The following NCAM2 variants were observed in gnomAD, a reference collection of about 807,000 sequenced individuals.
The protein encoded by NCAM2 is neural cell adhesion molecule 2, also known as N-CAM-2.
In NCAM2, 30 loss-of-function variants were observed where a neutral mutation model predicts 98.1. The ratio of observed to expected loss-of-function variants is 0.31; its 90% CI spans 0.23 to 0.41. The LOEUF (loss-of-function observed/expected upper bound fraction) is 0.41. Among genes scored for constraint, NCAM2 ranks in the 10% least tolerant of loss-of-function variants. NCAM2 has a pLI of 1.00. For missense variants in NCAM2, 867 were observed against 1,005.8 expected, an observed-to-expected ratio of 0.86 and a Z score of 1.87; for synonymous variants, 368 against 342.4, an observed-to-expected ratio of 1.07 and a Z score of -0.83.
chr21:21,198,957 A>G (rs547615166), intron 1 of NCAM2, among the ~76,000 whole-genome samples: 6 of 152,260 alleles, frequency 3.9e-5, no homozygotes, highest in Admixed American at 3.3e-4. Context: ...CTCAGTTAAG[A>G]GCTCCTGTAT....
intron 16 of NCAM2, among the ~76,000 whole-genome samples, chr21:21,513,596 A>G (rs1602535467): frequency 6.6e-6 from 1 of 152,074 alleles, no homozygotes; most frequent in African/African-American, 2.4e-5. Flanking sequence ...TTTTTCAAGA[A>G]TTGTTTTGTG....
Position 21,382,787 on chromosome 21 carries a change from C to T in NCAM2, c.1195+8774C>T, listed in dbSNP as rs563832236. 9.2e-5 allele frequency among the ~76,000 whole-genome samples: 14 copies of T among 152,016 alleles called. No individual in the cohort carries two copies. In the South Asian group the frequency reaches 1.7e-3, roughly 18 times the overall value. On this transcript the variant is annotated intron_variant, in intron 9 of 17. Transcript: ENST00000400546. The stretch of plus-strand genomic sequence containing the variant: ...CCTCGTGATCTGTCTGTCTCGGCCT[C>T]CCAAAGAGCTAGGATTACAGGCGGG...
At chr21:21,433,030 A>C (rs749210604) in intron 12 of NCAM2, among the ~76,000 whole-genome samples, 1 of 152,220 alleles carries the variant, frequency 6.6e-6, no homozygotes, top group Non-Finnish European at 1.5e-5. Context: ...GTAGGGGTTC[A>C]GTAAAAAGCA....
intron 1 of NCAM2, among the ~76,000 whole-genome samples, chr21:21,003,875 C>T (rs965644188): frequency 2.0e-5 from 3 of 152,068 alleles, no homozygotes; most frequent in Admixed American, 6.6e-5. Context: ...CTCCAGGGGG[C>T]GTCACTTATT....
chr21:21,056,520 G>GTGTGTT (rs1162706174), intron 1 of NCAM2, among the ~76,000 whole-genome samples: 7 of 149,474 alleles, frequency 4.7e-5, no homozygotes, highest in Non-Finnish European at 1.0e-4. Flanking sequence ...GTGTGTGTGT[G>GTGTGTT]TGTGCATGAG....
chr21:21,158,656 C>T (rs2067687084), intron 1 of NCAM2, among the ~76,000 whole-genome samples: 1 of 151,684 alleles, frequency 6.6e-6, no homozygotes, highest in Non-Finnish European at 1.5e-5. Flanking sequence ...ATTTATATCA[C>T]TTAGTGACAA....
At position 21,087,699 on chromosome 21, in the gene NCAM2, G is replaced by A. The variant is rs139985770; in HGVS notation, c.55+89081G>A. ...TCACAGACAGGAATGGGCATGCAAG[G>A]AGAGAGGAAATGGTGGCTTATTGCA... On this transcript the variant is annotated intron_variant, in intron 1 of 17. Coordinates refer to ENST00000400546, the MANE Select transcript of NCAM2 (RefSeq NM_004540.5). Among the ~76,000 whole-genome samples, 9 of 152,284 alleles carry A rather than the reference G, an allele frequency of 5.9e-5. No individual in the cohort carries two copies. In the East Asian group the frequency reaches 1.7e-3, roughly 29 times the overall value.
chr21:21,451,003 G>T (rs974412461), intron 12 of NCAM2, among the ~76,000 whole-genome samples: 1 of 151,950 alleles, frequency 6.6e-6, no homozygotes, highest in Non-Finnish European at 1.5e-5. Flanking sequence ...GTTTATATGA[G>T]AATTCATGAG....
intron 1 of NCAM2, among the ~76,000 whole-genome samples, chr21:21,247,489 T>C (rs976919589): frequency 1.3e-5 from 2 of 152,184 alleles, no homozygotes; most frequent in African/African-American, 2.4e-5. Context: ...ATGCTTTGGG[T>C]GAATGAAAAT....
At chr21:21,439,766 A>G (rs1489669253) in intron 12 of NCAM2, among the ~76,000 whole-genome samples, 1 of 152,250 alleles carries the variant, frequency 6.6e-6, no homozygotes, top group African/African-American at 2.4e-5. Context: ...TCTTTAAATG[A>G]TATGTGTTGA....
chr21:21,052,255 C>T (rs536750741), intron 1 of NCAM2, among the ~76,000 whole-genome samples: 1 of 149,560 alleles, frequency 6.7e-6, no homozygotes, highest in Non-Finnish European at 1.5e-5. Context: ...GCTCCGCCTC[C>T]CGGGTTCACA....
At chr21:21,429,526 T>C (rs1379939089) in intron 11 of NCAM2, among the ~76,000 whole-genome samples, 1 of 152,158 alleles carries the variant, frequency 6.6e-6, no homozygotes, top group African/African-American at 2.4e-5. Flanking sequence ...GATTGAAGAA[T>C]TGGCATTTTT....
chr21:21,296,693 A>T (rs2073493127), intron 5 of NCAM2, among the ~76,000 whole-genome samples: 1 of 151,738 alleles, frequency 6.6e-6, no homozygotes, highest in South Asian at 2.1e-4. Context: ...GTGAGAGATA[A>T]TTGGGGCCTT....
chr21:21,491,454 G>C (rs1986838005), intron 15 of NCAM2, among the ~76,000 whole-genome samples: 1 of 151,716 alleles, frequency 6.6e-6, no homozygotes. Context: ...TGCAGAAATT[G>C]ATTAACATTC....
At chr21:21,273,179 C>G (rs1195159929) in intron 1 of NCAM2, among the ~76,000 whole-genome samples, 1 of 152,082 alleles carries the variant, frequency 6.6e-6, no homozygotes, top group African/African-American at 2.4e-5. Flanking sequence ...TTTGCCTCAG[C>G]CTTCTCATCT....
At chr21:21,166,859 T>A (rs1366223739) in intron 1 of NCAM2, among the ~76,000 whole-genome samples, 1 of 152,204 alleles carries the variant, frequency 6.6e-6, no homozygotes, top group African/African-American at 2.4e-5. Context: ...TCTTTCAACA[T>A]ATTGCATCTC....
chr21:21,106,314 C>CAAAAGAAAAAAAAAAAAAAA (rs2066345436), intron 1 of NCAM2, among the ~76,000 whole-genome samples: 1 of 103,490 alleles, frequency 9.7e-6, no homozygotes, highest in African/African-American at 4.5e-5. Flanking sequence ...GTCTCAAAAG[C>CAAAAGAAAAAAAAAAAAAAA]AAAAAAAAAA....
At chr21:21,173,104 A>G (rs1265601931) in intron 1 of NCAM2, among the ~76,000 whole-genome samples, 3 of 152,174 alleles carry the variant, frequency 2.0e-5, no homozygotes, top group Admixed American at 6.5e-5. Context: ...TGCCTGAAGC[A>G]TAGAGGGTAT....
At chr21:21,373,607 T>A (rs1177728406) in intron 8 of NCAM2, among the ~76,000 whole-genome samples, 1 of 151,692 alleles carries the variant, frequency 6.6e-6, no homozygotes, top group Non-Finnish European at 1.5e-5. Flanking sequence ...TGGGTTTTGT[T>A]TGGAGTCATT....
Sources: gnomAD v4.1 joint callset for allele counts (sites outside exome capture counted in the v4.1 genomes callset) on GRCh38, gnomAD v4.1.1 for gene constraint, MANE v1.5 for transcripts, NCBI Gene and HGNC (gene_info 2026-07-23, HGNC 2026-07-21) for gene names.